The following KLRG2 variants were observed in gnomAD, a reference collection of about 807,000 sequenced individuals.
KLRG2 encodes the protein killer cell lectin like receptor G2.
In KLRG2, 39 loss-of-function variants were observed where a neutral mutation model predicts 35.4. The observed-to-expected ratio is 1.10, with a 90% CI of 0.85 to 1.44. KLRG2 has a LOEUF of 1.44. Among genes scored for constraint, KLRG2 ranks in the 40% most tolerant of loss-of-function variants. The pLI is 0.00. For missense variants in KLRG2, 632 were observed against 570.9 expected (o/e 1.11, Z -1.09); for synonymous variants, 283 against 265.8 (o/e 1.06, Z -0.63).
chr7:139,446,315 C>A, the KLRG2 span, among the ~76,000 whole-genome samples: 2 of 148,576 alleles, frequency 1.3e-5, no homozygotes, highest in African/African-American at 5.0e-5. Context: ...AGGGGAGAAT[C>A]CATTCTTTGC....
the KLRG2 span, among the ~76,000 whole-genome samples, chr7:139,433,748 G>A: frequency 5.4e-5 from 8 of 149,166 alleles, no homozygotes; most frequent in South Asian, 6.3e-4. Flanking sequence ...TTATTCTTCT[G>A]CCTCAGCCTC....
At chr7:139,429,392 T>C in the KLRG2 span, among the ~76,000 whole-genome samples, 1 of 151,966 alleles carries the variant, frequency 6.6e-6, no homozygotes, top group South Asian at 2.1e-4. Context: ...TTTTCTTTTT[T>C]TTTTATTGAT....
chr7:139,474,216 G>C (rs1321614560), intron 3 of KLRG2, among the ~76,000 whole-genome samples: 2 of 151,848 alleles, frequency 1.3e-5, no homozygotes, highest in Non-Finnish European at 2.9e-5. Context: ...AGTAGAGATA[G>C]GGTATCACCA....
intron 3 of KLRG2, among the ~76,000 whole-genome samples, chr7:139,475,993 GTTGA>G (rs891642281): frequency 1.3e-5 from 2 of 152,158 alleles, no homozygotes; most frequent in Non-Finnish European, 2.9e-5. Flanking sequence ...CGCTTTCTGG[GTTGA>G]TTGTTGTTGT....
At chr7:139,437,601 C>CA in the KLRG2 span, among the ~76,000 whole-genome samples, 1 of 152,064 alleles carries the variant, frequency 6.6e-6, no homozygotes, top group South Asian at 2.1e-4. Context: ...GAATTACAGG[C>CA]ATGTACCACC....
the KLRG2 span, among the ~76,000 whole-genome samples, chr7:139,433,655 C>T: frequency 8.2e-6 from 1 of 122,304 alleles, no homozygotes; most frequent in Non-Finnish European, 1.6e-5. Flanking sequence ...GAGATGGAGT[C>T]TTGCTCTGTC....
chr7:139,447,056 C>T, the KLRG2 span, among the ~76,000 whole-genome samples: 3 of 152,132 alleles, frequency 2.0e-5, no homozygotes, highest in South Asian at 6.2e-4. Flanking sequence ...TCCTTGCCTT[C>T]CCTGCCAAAC....
chr7:139,458,799 T>G (rs774068116), intron 3 of KLRG2, among the ~76,000 whole-genome samples: 12 of 152,168 alleles, frequency 7.9e-5, no homozygotes, highest in Non-Finnish European at 1.5e-5. Context: ...ACTTACAACT[T>G]CCTACTTTTC....
Position 139,483,400 on chromosome 7 carries a change from C to T in KLRG2, c.243G>A (p.Pro81=). ...AGACCCCGTAGCCCAGGCTGAGCGGCGGCACGCGCGGGGACCCGGGGCGAG... is the reference window on the plus strand; with the variant it reads ...AGACCCCGTAGCCCAGGCTGAGCGGTGGCACGCGCGGGGACCCGGGGCGAG... ...PSPRPGSPRV[P]PLSLGYGVCP... is the part of the protein sequence containing the mutation. The change falls in exon 1 of 5, where the codon CCG becomes CCA. Residue 81 remains proline, a synonymous_variant. Coordinates refer to ENST00000340940, the MANE Select transcript of KLRG2 (RefSeq NM_198508.4). The T allele has an allele frequency of 6.5e-7, 1 of 1,539,516 alleles. No individual in the cohort carries two copies.
In KLRG2 at chr7:139,476,496, C is replaced by A. The variant is rs111779249; in HGVS notation, c.1005+3131G>T. 5.0e-3 allele frequency among the ~76,000 whole-genome samples: 759 copies of A among 151,858 alleles called. 7 individuals carry two copies. Among genetic ancestry groups the A allele is most frequent in the African/African-American group, 0.016 (674 of 41,412 alleles). On this transcript the variant is annotated intron_variant, in intron 3 of 4. Coordinates refer to ENST00000340940, the MANE Select transcript of KLRG2 (RefSeq NM_198508.4). ...TCACTCTGTTACCCAGGCTGGAGAG[C>A]AGTGGCGCGATCTTGGCTCACTGCA...
chr7:139,445,781 G>GTATGTATATATATATATATA, the KLRG2 span, among the ~76,000 whole-genome samples: 5 of 98,508 alleles, frequency 5.1e-5, no homozygotes, highest in African/African-American at 2.3e-4. Flanking sequence ...ATATATATAT[G>GTATGTATATATATATATATA]TATATATATA....
chr7:139,466,766 G>C (rs1181179841), intron 3 of KLRG2, among the ~76,000 whole-genome samples: 1 of 123,692 alleles, frequency 8.1e-6, no homozygotes, highest in African/African-American at 3.7e-5. Context: ...AAAAAAGGGG[G>C]GGGTACTCTG....
At chr7:139,458,291 T>C (rs1018173836) in intron 3 of KLRG2, among the ~76,000 whole-genome samples, 1 of 151,700 alleles carries the variant, frequency 6.6e-6, no homozygotes, top group South Asian at 2.1e-4. Context: ...GGCCGAAGGA[T>C]GGCTTGACCC....
At chr7:139,477,440 C>G (rs1055946311) in intron 3 of KLRG2, among the ~76,000 whole-genome samples, 8 of 152,084 alleles carry the variant, frequency 5.3e-5, no homozygotes, top group African/African-American at 1.9e-4. Flanking sequence ...CACGGGTGAG[C>G]CTTGAGGACA....
chr7:139,434,447 C>T, the KLRG2 span, among the ~76,000 whole-genome samples: 1 of 152,148 alleles, frequency 6.6e-6, no homozygotes, highest in Non-Finnish European at 1.5e-5. Flanking sequence ...ACAGCCAAGC[C>T]CCTTTACACG....
At chr7:139,473,372 C>G (rs901562648) in intron 3 of KLRG2, among the ~76,000 whole-genome samples, 2 of 152,116 alleles carry the variant, frequency 1.3e-5, no homozygotes, top group Non-Finnish European at 2.9e-5. Flanking sequence ...CCCCTCCTAT[C>G]CGCGCAATGA....
the KLRG2 span, among the ~76,000 whole-genome samples, chr7:139,434,065 C>T: frequency 6.6e-6 from 1 of 152,260 alleles, no homozygotes; most frequent in East Asian, 1.9e-4. Flanking sequence ...CCTGATGTCC[C>T]AGACACAGGA....
At chr7:139,441,521 A>T in the KLRG2 span, among the ~76,000 whole-genome samples, 6 of 152,092 alleles carry the variant, frequency 3.9e-5, no homozygotes, top group African/African-American at 1.4e-4. Flanking sequence ...ACCTAATGTA[A>T]AAGTTGATGG....
At chr7:139,432,543 G>A in the KLRG2 span, among the ~76,000 whole-genome samples, 2 of 108,876 alleles carry the variant, frequency 1.8e-5, no homozygotes, top group Non-Finnish European at 3.5e-5. Flanking sequence ...TTGATTGCAG[G>A]ACCCCCCCCC....
Sources: allele counts gnomAD v4.1 joint callset (sites outside exome capture counted in the v4.1 genomes callset), GRCh38; gene constraint gnomAD v4.1.1; transcripts MANE v1.5; gene names NCBI Gene and HGNC (gene_info 2026-07-23, HGNC 2026-07-21).